Variants in EGFR observed in about 807,000 individuals in gnomAD.
The protein encoded by EGFR is epidermal growth factor receptor.
Under a neutral mutation model 143.0 loss-of-function variants are expected in EGFR, and 58 were observed. The observed-to-expected ratio is 0.41, with a 90% CI of 0.33 to 0.50. EGFR has a LOEUF of 0.50. Among genes scored for constraint, EGFR ranks in the 20% least tolerant of loss-of-function variants. The pLI is 0.39. For missense variants in EGFR, 1,307 were observed against 1,579.0 expected, an observed-to-expected ratio of 0.83 and a Z score of 2.92; for synonymous variants, 613 against 594.4, an observed-to-expected ratio of 1.03 and a Z score of -0.45.
intron 1 of EGFR, among the ~76,000 whole-genome samples, chr7:55,078,099 T>C (rs1194164900): frequency 6.6e-6 from 1 of 152,192 alleles, no homozygotes; most frequent in Non-Finnish European, 1.5e-5. Context: ...GCAGACCTTC[T>C]GGGCACTGTG....
At chr7:55,161,137 G>T (rs1168177917) in intron 12 of EGFR, among the ~76,000 whole-genome samples, 1 of 152,220 alleles carries the variant, frequency 6.6e-6, no homozygotes. Flanking sequence ...AGGGGCAGTG[G>T]CCGTGGGAGC....
At chr7:55,101,151 G>A (rs754392984) in intron 1 of EGFR, among the ~76,000 whole-genome samples, 1 of 152,220 alleles carries the variant, frequency 6.6e-6, no homozygotes. Context: ...GGCCCGGGCA[G>A]AAGGTATCCA....
In EGFR at chr7:55,098,526, G is replaced by A. The variant is rs139723316; in HGVS notation, c.89-43760G>A. Among the ~76,000 whole-genome samples, 290 of 152,164 alleles carry A rather than the reference G, an allele frequency of 1.9e-3. 3 individuals carry two copies. Among genetic ancestry groups the A allele is most frequent in the African/African-American group, 6.7e-3 (279 of 41,510 alleles). On this transcript the variant is annotated intron_variant, in intron 1 of 27. Coordinates refer to ENST00000275493, the MANE Select transcript of EGFR (RefSeq NM_005228.5). ...AAAACCTTAAGGCATCAGAAATTAT[G>A]TGCAGTAAAATCTCACTTTTGTAAA... is the stretch of plus-strand genomic sequence containing the variant.
chr7:55,134,586 GAT>G (rs1367938779), intron 1 of EGFR, among the ~76,000 whole-genome samples: 1 of 152,242 alleles, frequency 6.6e-6, no homozygotes. Context: ...ATACATAACA[GAT>G]CAACGGGTAT....
intron 1 of EGFR, among the ~76,000 whole-genome samples, chr7:55,141,368 G>A (rs896144967): frequency 6.6e-6 from 1 of 151,988 alleles, no homozygotes; most frequent in Non-Finnish European, 1.5e-5. Context: ...CCATTTCTAT[G>A]GTCCAACTTT....
intron 1 of EGFR, among the ~76,000 whole-genome samples, chr7:55,124,898 A>G (rs1371216263): frequency 6.6e-6 from 1 of 152,232 alleles, no homozygotes; most frequent in East Asian, 1.9e-4. Context: ...GCCATCCCCA[A>G]GTTTGTCGAT....
At chr7:55,028,217 C>T (rs1334368512) in intron 1 of EGFR, among the ~76,000 whole-genome samples, 2 of 151,902 alleles carry the variant, frequency 1.3e-5, no homozygotes, top group African/African-American at 4.8e-5. Context: ...CTTATGATGT[C>T]ATTACAACCC....
At chr7:55,125,277 C>T (rs1290791109) in intron 1 of EGFR, among the ~76,000 whole-genome samples, 1 of 152,218 alleles carries the variant, frequency 6.6e-6, no homozygotes, top group Non-Finnish European at 1.5e-5. Context: ...AAATGTGCAA[C>T]ATGGGATTGA....
intron 27 of EGFR, among the ~76,000 whole-genome samples, chr7:55,204,949 A>G (rs1788050802): frequency 6.6e-6 from 1 of 151,712 alleles, no homozygotes; most frequent in South Asian, 2.1e-4. Context: ...AGACACACAT[A>G]CCACATACAC....
Position 55,193,597 on chromosome 7 carries a change from C to A in EGFR, c.2701+756C>A, listed in dbSNP as rs745728919. Among the ~76,000 whole-genome samples, 67 of 152,260 alleles carry A rather than the reference C, an allele frequency of 4.4e-4. 1 individual carries two copies. Among genetic ancestry groups the A allele is most frequent in the South Asian group, 2.3e-3 (11 of 4,816 alleles). ...CACTTGGTCCTTGAATTTCACCCAG[C>A]AACTTACTGAAAGGCTGGAACCCAT... On this transcript the variant is annotated intron_variant, in intron 22 of 27. Coordinates refer to ENST00000275493, the MANE Select transcript of EGFR (RefSeq NM_005228.5).
At chr7:55,095,498 G>A (rs549658436) in intron 1 of EGFR, among the ~76,000 whole-genome samples, 1 of 152,354 alleles carries the variant, frequency 6.6e-6, no homozygotes, top group East Asian at 1.9e-4. Flanking sequence ...TCAACACACA[G>A]CTCCCTGCCC....
chr7:55,182,095 T>C (rs1055194731), intron 20 of EGFR: 1 of 161,204 alleles, frequency 6.2e-6, no homozygotes, highest in African/African-American at 2.4e-5. Flanking sequence ...AGCCAGGTAT[T>C]TCACAGCTGG....
intron 1 of EGFR, among the ~76,000 whole-genome samples, chr7:55,066,187 G>T (rs888778001): frequency 2.6e-5 from 4 of 152,168 alleles, no homozygotes; most frequent in African/African-American, 9.7e-5. Context: ...TCAGCAGGGG[G>T]TGTTCTGGCA....
intron 1 of EGFR, among the ~76,000 whole-genome samples, chr7:55,050,764 C>A (rs1411557745): frequency 6.6e-6 from 1 of 152,196 alleles, no homozygotes; most frequent in East Asian, 1.9e-4. Context: ...CATCTTGGAG[C>A]ATGAGCCTTC....
chr7:55,082,663 G>A (rs1363403880), intron 1 of EGFR, among the ~76,000 whole-genome samples: 1 of 152,124 alleles, frequency 6.6e-6, no homozygotes, highest in Non-Finnish European at 1.5e-5. Context: ...CGTCCCTGTG[G>A]CTCCGGGCAG....
In EGFR at chr7:55,201,342, T is replaced by C. The variant is rs34352568; in HGVS notation, c.3101T>C (p.Leu1034Pro). 3.7e-6 allele frequency: 6 copies of C among 1,614,024 alleles called. No individual in the cohort carries two copies. The Admixed American group carries it at 1.0e-4, about 27-fold the overall frequency. ...AGCCCCTCCACGTCACGGACTCCCC[T>C]CCTGAGCTCTCTGGTATGAAATCTC... is the stretch of plus-strand genomic sequence containing the variant. ...FSSPSTSRTP[L>P]LSSLSATSNN... The change falls in exon 25 of 28, where the codon CTC becomes CCC. Residue 1034 changes from leucine to proline, a missense_variant. This residue lies in a region of EGFR where 313 missense variants were observed against 312.3 expected (regional missense o/e 1.00). Coordinates refer to ENST00000275493, the MANE Select transcript of EGFR (RefSeq NM_005228.5).
chr7:55,080,899 C>T (rs542605394), intron 1 of EGFR, among the ~76,000 whole-genome samples: 2 of 152,244 alleles, frequency 1.3e-5, no homozygotes, highest in East Asian at 3.9e-4. Context: ...ATAGCCCTCC[C>T]TGTACAACTA....
intron 20 of EGFR, among the ~76,000 whole-genome samples, chr7:55,190,277 G>T (rs1787330664): frequency 6.6e-6 from 1 of 152,106 alleles, no homozygotes; most frequent in Non-Finnish European, 1.5e-5. Context: ...AGCGCTCTCG[G>T]CAGTGCAGGG....
At chr7:55,042,767 G>C (rs113558289) in intron 1 of EGFR, among the ~76,000 whole-genome samples, 1 of 152,176 alleles carries the variant, frequency 6.6e-6, no homozygotes, top group East Asian at 1.9e-4. Flanking sequence ...GCGGTCCCAC[G>C]TGAGGCTGGA....
Sources: allele counts gnomAD v4.1 joint callset (sites outside exome capture counted in the v4.1 genomes callset), GRCh38; gene constraint gnomAD v4.1.1; regional missense constraint gnomAD v4.1.1; transcripts MANE v1.5; gene names NCBI Gene and HGNC (gene_info 2026-07-23, HGNC 2026-07-21).